Variants in ABCC4 observed in about 807,000 individuals in gnomAD.
ABCC4 encodes ATP-binding cassette sub-family C member 4.
In ABCC4, 102 loss-of-function variants were observed where a neutral mutation model predicts 168.5. The observed-to-expected ratio is 0.61, with a 90% CI of 0.52 to 0.71. The LOEUF is 0.71. Among genes scored for constraint, ABCC4 ranks in the 30% least tolerant of loss-of-function variants. The pLI, the probability that ABCC4 is intolerant of heterozygous loss-of-function variation, is 0.00. For missense variants in ABCC4, 1,402 were observed against 1,605.8 expected (o/e 0.87, Z 2.17); for synonymous variants, 617 against 590.7 (o/e 1.04, Z -0.65).
At chr13:95,070,261 G>A (rs887947330) in intron 25 of ABCC4, among the ~76,000 whole-genome samples, 4 of 152,088 alleles carry the variant, frequency 2.6e-5, no homozygotes, top group African/African-American at 9.7e-5. Flanking sequence ...GAATCTATAA[G>A]ATGATGTGGA....
rs1566539575 is a variant in ABCC4 at position 95,218,943 on chromosome 13, A to AG, written c.532-8163_532-8162insC. Among the ~76,000 whole-genome samples, 130 of 32,530 alleles carry AG rather than the reference A, an allele frequency of 4.0e-3. 8 individuals are homozygous for AG. Among genetic ancestry groups the AG allele is most frequent in the African/African-American group, 0.018 (106 of 5,960 alleles). The allele number at this position is 32,530 out of a possible 152,430, so 21.3% of individuals were successfully genotyped here. On this transcript the variant is annotated intron_variant, in intron 4 of 30. Transcript: ENST00000645237. ...AGAAAGAAAGAGAAAGAAAGAAAGA[A>AG]AGAAAGAAAGAAAGAAAGAAAGAAA...
In ABCC4 at chr13:95,075,559, A is replaced by G. The variant is rs749136061; in HGVS notation, c.2687-8T>C. 6.2e-7 allele frequency: 1 copy of G among 1,613,858 alleles called. No homozygotes were observed. Among genetic ancestry groups the G allele is most frequent in the African/African-American group, 1.3e-5 (1 of 74,904 alleles). ...AAAACACTGGACTCCGAGCTGGGGAAACAGACAGAGAAAACAGCTCAGTGA... is the reference window on the plus strand; with the variant it reads ...AAAACACTGGACTCCGAGCTGGGGAGACAGACAGAGAAAACAGCTCAGTGA... On this transcript the variant is annotated splice_region_variant and splice_polypyrimidine_tract_variant and intron_variant, in intron 21 of 30. Coordinates refer to ENST00000645237, the MANE Select transcript of ABCC4 (RefSeq NM_005845.5).
chr13:95,125,530 T>TG (rs1369965228), intron 19 of ABCC4, among the ~76,000 whole-genome samples: 1 of 118,906 alleles, frequency 8.4e-6, no homozygotes, highest in African/African-American at 2.7e-5. Context: ...AACAAGTAAA[T>TG]AAATGAATGA....
chr13:95,287,762 G>C (rs978912377), intron 1 of ABCC4, among the ~76,000 whole-genome samples: 2 of 150,278 alleles, frequency 1.3e-5, no homozygotes, highest in Non-Finnish European at 3.0e-5. Context: ...AAATAAATAG[G>C]CCAGATGAGG....
At chr13:95,081,946 G>C (rs2034112211) in intron 21 of ABCC4, among the ~76,000 whole-genome samples, 1 of 152,192 alleles carries the variant, frequency 6.6e-6, no homozygotes, top group Admixed American at 6.5e-5. Context: ...GCTGCAGTAA[G>C]CTGAGATTGC....
intron 3 of ABCC4, among the ~76,000 whole-genome samples, chr13:95,236,249 C>G (rs1376454287): frequency 2.6e-5 from 4 of 152,174 alleles, no homozygotes; most frequent in African/African-American, 9.7e-5. Context: ...CAAAAGTAAA[C>G]ATGTAGGCCC....
chr13:95,083,124 G>C lies in ABCC4; in HGVS notation c.2686+16C>G, dbSNP rs11568693. 6.2e-7 allele frequency: 1 copy of C among 1,612,394 alleles called. No individual in the cohort carries two copies. The highest frequency in any genetic ancestry group is 8.5e-7 in the Non-Finnish European group (1 of 1,179,138). ...CTAGCTAGCATGTCTATACCAACCCGAGTTTCCATACTCACTTGTAGATTC... is the reference window on the plus strand; with the variant it reads ...CTAGCTAGCATGTCTATACCAACCCCAGTTTCCATACTCACTTGTAGATTC... On this transcript the variant is annotated intron_variant, in intron 21 of 30. Coordinates refer to ENST00000645237, the MANE Select transcript of ABCC4 (RefSeq NM_005845.5).
At chr13:95,105,840 C>T (rs922287274) in intron 20 of ABCC4, among the ~76,000 whole-genome samples, 5 of 152,188 alleles carry the variant, frequency 3.3e-5, no homozygotes, top group Non-Finnish European at 7.3e-5. Context: ...ATAGAGGAGA[C>T]ATCCACTGCC....
At chr13:95,232,692 T>A (rs968574635) in intron 4 of ABCC4, among the ~76,000 whole-genome samples, 21 of 145,000 alleles carry the variant, frequency 1.4e-4, no homozygotes, top group South Asian at 1.1e-3. Context: ...AAAAAAAAAA[T>A]TTAAATGGCT....
At chr13:95,025,275 A>C (rs201085592) in intron 30 of ABCC4, among the ~76,000 whole-genome samples, 22 of 17,350 alleles carry the variant, frequency 1.3e-3, no homozygotes, top group African/African-American at 2.8e-3. Flanking sequence ...CCACACCCCC[A>C]CACACACCCC....
intron 19 of ABCC4, among the ~76,000 whole-genome samples, chr13:95,140,026 C>T (rs1485653701): frequency 6.6e-6 from 1 of 152,190 alleles, no homozygotes; most frequent in Non-Finnish European, 1.5e-5. Context: ...TGTGTGTTGC[C>T]TTGACCATCT....
intron 1 of ABCC4, among the ~76,000 whole-genome samples, chr13:95,274,187 A>T (rs952921006): frequency 1.3e-5 from 2 of 152,188 alleles, no homozygotes; most frequent in Non-Finnish European, 2.9e-5. Flanking sequence ...CCCTTCAGCC[A>T]GGCCAGTAGA....
chr13:95,213,949 GGCAACAGAA>G (rs1364094569), intron 4 of ABCC4, among the ~76,000 whole-genome samples: 1 of 151,938 alleles, frequency 6.6e-6, no homozygotes, highest in Admixed American at 6.6e-5. Flanking sequence ...GGAGGGAAAT[GGCAACAGAA>G]ATAGACCCTG....
At chr13:95,083,055 G>C in intron 21 of ABCC4, 85 bp downstream of exon 21, 1 of 1,445,192 alleles carries the variant, frequency 6.9e-7, no homozygotes, top group Non-Finnish European at 9.4e-7. Flanking sequence ...GACAGAGTCT[G>C]CCGAATTTCA....
chr13:95,260,072 C>T (rs1431690669), intron 1 of ABCC4, among the ~76,000 whole-genome samples: 5 of 152,170 alleles, frequency 3.3e-5, no homozygotes, highest in African/African-American at 7.2e-5. Context: ...GAATCAGGAA[C>T]TCTGAGAGTG....
chr13:95,153,959 T>G (rs1267892215), intron 19 of ABCC4, among the ~76,000 whole-genome samples: 1 of 152,022 alleles, frequency 6.6e-6, no homozygotes, highest in Non-Finnish European at 1.5e-5. Flanking sequence ...CTGATAAGAG[T>G]TTAAGTACAT....
At chr13:95,216,629 A>C (rs1210360319) in intron 4 of ABCC4, among the ~76,000 whole-genome samples, 1 of 107,992 alleles carries the variant, frequency 9.3e-6, no homozygotes, top group Admixed American at 9.5e-5. Flanking sequence ...AAAAAAAAAA[A>C]AAACCAGCAC....
chr13:95,247,515 A>T, intron 2 of ABCC4, 128 bp downstream of exon 2: 1 of 683,936 alleles, frequency 1.5e-6, no homozygotes, highest in Non-Finnish European at 2.5e-6. Flanking sequence ...GGGCAGCCTG[A>T]GGAAGGTGAC....
chr13:95,088,974 G>A (rs1158547098), intron 20 of ABCC4, among the ~76,000 whole-genome samples: 1 of 151,854 alleles, frequency 6.6e-6, no homozygotes, highest in African/African-American at 2.4e-5. Flanking sequence ...GAAAAAAAGA[G>A]AGGAAAATTA....
Sources: allele counts gnomAD v4.1 joint callset (sites outside exome capture counted in the v4.1 genomes callset), GRCh38; gene constraint gnomAD v4.1.1; transcripts MANE v1.5; gene names NCBI Gene and HGNC (gene_info 2026-07-23, HGNC 2026-07-21).